EPHA3: variants seen among roughly 807,000 people sequenced by gnomAD.
The protein encoded by EPHA3 is ephrin type-A receptor 3.
In EPHA3, 42 loss-of-function variants were observed where a neutral mutation model predicts 107.1. The observed-to-expected ratio is 0.39, with a 90% CI of 0.31 to 0.51. The LOEUF (loss-of-function observed/expected upper bound fraction) is 0.51, where lower values mean the gene tolerates loss of function less well. Among genes scored for constraint, EPHA3 ranks in the 20% least tolerant of loss-of-function variants. The pLI, the probability that EPHA3 is intolerant of heterozygous loss-of-function variation, is 0.78. For synonymous variants in EPHA3, 461 were observed against 424.8 expected (o/e 1.09, Z -1.05); for missense variants, 1,183 against 1,211.2 (o/e 0.98, Z 0.35).
chr3:89,262,132 G>A lies in EPHA3; in HGVS notation c.814+51612G>A, dbSNP rs577464164. On this transcript the variant is annotated intron_variant, in intron 3 of 16. Coordinates refer to ENST00000336596, the MANE Select transcript of EPHA3 (RefSeq NM_005233.6). ...GAACTCTCGTATTCATATCTACATGGCCTATGTAATATCAACTCCAACTGT... is the reference window on the plus strand; with the variant it reads ...GAACTCTCGTATTCATATCTACATGACCTATGTAATATCAACTCCAACTGT... Among the ~76,000 whole-genome samples, 327 of 151,832 alleles carry A rather than the reference G, an allele frequency of 2.2e-3. 1 individual carries two copies. Among genetic ancestry groups the A allele is most frequent in the African/African-American group, 7.6e-3 (316 of 41,434 alleles).
chr3:89,257,850 G>C (rs1705321353), intron 3 of EPHA3, among the ~76,000 whole-genome samples: 1 of 151,842 alleles, frequency 6.6e-6, no homozygotes, highest in African/African-American at 2.4e-5. Context: ...AATTAACTTA[G>C]ATAAGCATTA....
rs2107554876 is a variant in EPHA3 at position 89,450,204 on chromosome 3, C to T, written c.2524C>T (p.Arg842Ter). 1 of 1,607,602 alleles carries T rather than the reference C, an allele frequency of 6.2e-7. No individual in the cohort carries two copies. Among genetic ancestry groups the T allele is most frequent in the Non-Finnish European group, 8.5e-7 (1 of 1,177,002 alleles). The change falls in exon 15 of 17, where the codon CGA (arginine) becomes TGA (stop). Residue 842 changes from arginine to a stop codon, truncating the protein, a stop_gained. Transcript: ENST00000336596. LOFTEE classifies it high-confidence loss of function. ...AATTAAAGCTGTAGATGAGGGCTAT[C>T]GACTGCCACCCCCCATGGACTGCCC... is the stretch of plus-strand genomic sequence containing the variant. The part of the protein sequence containing the change: ...DVIKAVDEGY[R>*]LPPPMDCPAA...
At chr3:89,259,150 A>T (rs1173641659) in intron 3 of EPHA3, among the ~76,000 whole-genome samples, 1 of 152,154 alleles carries the variant, frequency 6.6e-6, no homozygotes, top group African/African-American at 2.4e-5. Context: ...ATTATTTTTT[A>T]AATTACTTGC....
intron 3 of EPHA3, among the ~76,000 whole-genome samples, chr3:89,335,272 C>T (rs2107406344): frequency 6.6e-6 from 1 of 152,216 alleles, no homozygotes; most frequent in Non-Finnish European, 1.5e-5. Flanking sequence ...ATAGGTGACA[C>T]CTGCTAGCTG....
chr3:89,389,869 T>C (rs1708689607), intron 5 of EPHA3, among the ~76,000 whole-genome samples: 1 of 152,254 alleles, frequency 6.6e-6, no homozygotes, highest in Non-Finnish European at 1.5e-5. Context: ...ATTATTTTAT[T>C]GAGTGTAGTC....
intron 3 of EPHA3, among the ~76,000 whole-genome samples, chr3:89,300,590 T>A (rs1026745990): frequency 6.6e-6 from 1 of 152,072 alleles, no homozygotes; most frequent in Non-Finnish European, 1.5e-5. Context: ...CATTTATTAC[T>A]TTAAACAATT....
chr3:89,180,938 C>T (rs1306080516), intron 2 of EPHA3, among the ~76,000 whole-genome samples: 3 of 151,872 alleles, frequency 2.0e-5, no homozygotes, highest in African/African-American at 7.3e-5. Context: ...TTGTCACAGC[C>T]TTTTGGACAA....
chr3:89,296,149 C>T (rs1225001354), intron 3 of EPHA3, among the ~76,000 whole-genome samples: 1 of 152,208 alleles, frequency 6.6e-6, no homozygotes, highest in Non-Finnish European at 1.5e-5. Flanking sequence ...GAATCAACTT[C>T]TTCCAAACTC....
intron 7 of EPHA3, chr3:89,399,827 A>T: frequency 2.7e-6 from 3 of 1,094,432 alleles, no homozygotes; most frequent in Non-Finnish European, 3.3e-6. Flanking sequence ...TCATTGCGTG[A>T]TTCAATGAAC....
At position 89,447,520 on chromosome 3, in the gene EPHA3, C is replaced by G. The variant is rs189005628; in HGVS notation, c.2347-1705C>G. On this transcript the variant is annotated intron_variant, in intron 13 of 16. Transcript: ENST00000336596. ...CTGAGTTAGTTCCAATCTTATCACT[C>G]TCCTAGCCAGGATAAAGTTTCCCAA... Among the ~76,000 whole-genome samples the G allele has an allele frequency of 1.2e-3, 180 of 152,262 alleles. 2 individuals carry two copies. Among genetic ancestry groups the G allele is most frequent in the Non-Finnish European group, 4.0e-4 (27 of 68,016 alleles).
intron 2 of EPHA3, among the ~76,000 whole-genome samples, chr3:89,179,257 T>C (rs1705384466): frequency 6.6e-6 from 1 of 152,048 alleles, no homozygotes; most frequent in African/African-American, 2.4e-5. Flanking sequence ...TTTCCTACTG[T>C]TATACTGATC....
chr3:89,449,982 C>G (rs1368828488), intron 14 of EPHA3, among the ~76,000 whole-genome samples, 195 bp from the exon 15 acceptor site: 1 of 151,992 alleles, frequency 6.6e-6, no homozygotes, highest in African/African-American at 2.4e-5. Context: ...TTCAATCTTC[C>G]TTTATATAAT....
chr3:89,447,487 C>G (rs193283772), intron 13 of EPHA3, among the ~76,000 whole-genome samples: 3 of 152,242 alleles, frequency 2.0e-5, no homozygotes, highest in Admixed American at 2.0e-4. Flanking sequence ...GAGAAGTGCT[C>G]AGTTTTACTG....
At chr3:89,315,379 G>A (rs1706871893) in intron 3 of EPHA3, among the ~76,000 whole-genome samples, 1 of 151,798 alleles carries the variant, frequency 6.6e-6, no homozygotes, top group Admixed American at 6.6e-5. Flanking sequence ...GAGACGTGGT[G>A]TAAGTGCTAC....
intron 2 of EPHA3, among the ~76,000 whole-genome samples, chr3:89,156,746 G>A (rs1198440439): frequency 6.6e-6 from 1 of 151,924 alleles, no homozygotes; most frequent in African/African-American, 2.4e-5. Flanking sequence ...ATGCTAAACA[G>A]AGCAGGAACA....
intron 7 of EPHA3, 62 bp downstream of exon 7, chr3:89,399,542 C>G: frequency 1.3e-6 from 2 of 1,585,946 alleles, no homozygotes; most frequent in South Asian, 1.1e-5. Context: ...GATGTCTGAT[C>G]GTTTATTCTC....
chr3:89,467,743 G>C (rs2107570937), intron 15 of EPHA3, among the ~76,000 whole-genome samples: 1 of 152,266 alleles, frequency 6.6e-6, no homozygotes, highest in Non-Finnish European at 1.5e-5. Flanking sequence ...AATCTTAATA[G>C]AAAGAGAGAG....
chr3:89,419,589 G>C (rs1017550853), intron 11 of EPHA3, among the ~76,000 whole-genome samples, 199 bp downstream of exon 11: 5 of 151,142 alleles, frequency 3.3e-5, no homozygotes, highest in African/African-American at 1.2e-4. Flanking sequence ...TACTGTTTTA[G>C]ACCTCAAAAA....
rs528704262 is a variant in EPHA3 at position 89,107,636 on chromosome 3, A to T, written c.-113A>T. 3.0e-6 allele frequency: 3 copies of T among 1,006,272 alleles called. No individual in the cohort carries two copies. In the East Asian group the frequency reaches 7.3e-5, roughly 25 times the overall value. The allele number at this position is 1,006,272 out of a possible 1,614,324, so 62.3% of individuals were successfully genotyped here. On this transcript the variant is annotated 5_prime_UTR_variant, in exon 1 of 17. Transcript: ENST00000336596. The stretch of plus-strand genomic sequence containing the variant: ...CCTTATCTCCAGTGTCAAACTTGAC[A>T]TCAGCCTGCGAGCGGAGCATGGTAA...
Sources: allele counts gnomAD v4.1 joint callset (sites outside exome capture counted in the v4.1 genomes callset), GRCh38; gene constraint gnomAD v4.1.1; transcripts MANE v1.5; gene names NCBI Gene and HGNC (gene_info 2026-07-23, HGNC 2026-07-21).